DNM2: variants seen among roughly 807,000 people sequenced by gnomAD.
DNM2 encodes the protein dynamin 2, also known as dynamin-2.
DNM2 carries 15 observed loss-of-function variants against 99.0 expected under a neutral mutation model. The ratio of observed to expected loss-of-function variants is 0.15; its 90% CI spans 0.10 to 0.23. DNM2 has a LOEUF of 0.23. Among genes scored for constraint, DNM2 ranks in the 10% least tolerant of loss-of-function variants. DNM2 has a pLI of 1.00. For missense variants in DNM2, 742 were observed against 1,189.4 expected, an observed-to-expected ratio of 0.62 and a Z score of 5.53; for synonymous variants, 525 against 481.2, an observed-to-expected ratio of 1.09 and a Z score of -1.19.
intron 12 of DNM2, among the ~76,000 whole-genome samples, chr19:10,804,007 A>G (rs1243686302): frequency 6.6e-6 from 1 of 152,154 alleles, no homozygotes; most frequent in African/African-American, 2.4e-5. Flanking sequence ...AGGTGATGCC[A>G]GGGGGACCCA....
chr19:10,786,718 G>A lies in DNM2; in HGVS notation c.992+12G>A, dbSNP rs374572993. The A allele has an allele frequency of 3.6e-5, 58 of 1,613,668 alleles. No homozygotes were observed. The highest frequency in any genetic ancestry group is 3.4e-4 in the South Asian group (31 of 91,070). Reference sequence around the variant, plus strand: ...AAAGCCCTGCTGCAGTATGTACCCCGGCACCCACCACCACCACCACCCTGG... The same window carrying A: ...AAAGCCCTGCTGCAGTATGTACCCCAGCACCCACCACCACCACCACCCTGG... On this transcript the variant is annotated intron_variant, in intron 7 of 20. Transcript: ENST00000389253.
At chr19:10,727,802 G>T (rs577526749) in intron 1 of DNM2, among the ~76,000 whole-genome samples, 3 of 152,184 alleles carry the variant, frequency 2.0e-5, no homozygotes, top group East Asian at 3.9e-4. Context: ...TGCCCGATTT[G>T]AATGAAAGTG....
chr19:10,805,873 C>A (rs2287028), intron 12 of DNM2, 43 bp from the exon 13 acceptor site: 1 of 1,613,686 alleles, frequency 6.2e-7, no homozygotes, highest in East Asian at 2.2e-5. Context: ...TCTTCCCCCC[C>A]GGCATCTTGT....
chr19:10,800,185 CCT>C (rs2072087169), intron 11 of DNM2, among the ~76,000 whole-genome samples: 1 of 152,184 alleles, frequency 6.6e-6, no homozygotes, highest in East Asian at 1.9e-4. Context: ...TCTCAGTTGT[CCT>C]CTGTGTTCTT....
intron 5 of DNM2, among the ~76,000 whole-genome samples, chr19:10,779,585 G>A (rs1404300753): frequency 7.8e-6 from 1 of 128,058 alleles, no homozygotes; most frequent in Non-Finnish European, 1.6e-5. Flanking sequence ...ATAGCTCACT[G>A]TAGCCTTAAA....
intron 2 of DNM2, among the ~76,000 whole-genome samples, chr19:10,770,464 T>A (rs570220664): frequency 2.6e-5 from 4 of 152,286 alleles, no homozygotes; most frequent in African/African-American, 4.8e-5. Context: ...TGGAATGCAG[T>A]GGTGTGATCA....
Position 10,812,761 on chromosome 19 carries a change from T to C in DNM2, c.1671+384T>C, listed in dbSNP as rs1258713577. ...GAGATTGCGCCACTGCACTCCAGCC[T>C]GGGCGAGAGAGCGAGACTCCATCTC... On this transcript the variant is annotated intron_variant, in intron 15 of 20. Coordinates refer to ENST00000389253, the MANE Select transcript of DNM2 (RefSeq NM_001005361.3). The surrounding 1 kb of genome is among the most constrained non-coding windows in gnomAD (Gnocchi z 4.0). 6.6e-6 allele frequency among the ~76,000 whole-genome samples: 1 copy of C among 152,130 alleles called. No homozygotes were observed. Among genetic ancestry groups the C allele is most frequent in the East Asian group, 1.9e-4 (1 of 5,192 alleles).
chr19:10,830,973 T>G lies in DNM2; in HGVS notation c.2544-5T>G. Reference sequence around the variant, plus strand: ...CCTCCCCACCTGTCTTTATTCTCTTTGCAGCAGAAGACCCCCTGCTGCGCC... The same window carrying G: ...CCTCCCCACCTGTCTTTATTCTCTTGGCAGCAGAAGACCCCCTGCTGCGCC... On this transcript the variant is annotated splice_polypyrimidine_tract_variant and splice_region_variant and intron_variant, in intron 20 of 20. Coordinates refer to ENST00000389253, the MANE Select transcript of DNM2 (RefSeq NM_001005361.3). The surrounding 1 kb of genome is among the most constrained non-coding windows in gnomAD (Gnocchi z 4.8). 2 of 1,611,180 alleles carry G rather than the reference T, an allele frequency of 1.2e-6. No individual in the cohort carries two copies. Among genetic ancestry groups the G allele is most frequent in the Non-Finnish European group, 1.7e-6 (2 of 1,178,818 alleles).
At chr19:10,823,726 G>T in intron 16 of DNM2, 62 bp from the exon 17 acceptor site, 1 of 1,536,428 alleles carries the variant, frequency 6.5e-7, no homozygotes, top group South Asian at 1.1e-5. Flanking sequence ...CATTCCTCTC[G>T]GCAGTCTGCC....
intron 13 of DNM2, among the ~76,000 whole-genome samples, chr19:10,807,454 C>G (rs1280182699): frequency 6.6e-6 from 1 of 150,598 alleles, no homozygotes; most frequent in Non-Finnish European, 1.5e-5. Flanking sequence ...CTTGGCCAGG[C>G]TGGTCTCAAA....
Position 10,793,789 on chromosome 19 carries a change from G to A in DNM2, c.1062G>A (p.Leu354=), listed in dbSNP as rs1294460166. ...IEGSGDQVDT[L]ELSGGARINR... is the part of the protein sequence containing the mutation. ...GCTCAGGAGATCAGGTGGACACTCT[G>A]GAGCTCTCCGGGGGCGCCCGAATCA... is the stretch of plus-strand genomic sequence containing the variant. Residue 354 remains leucine, a synonymous_variant, in exon 8 of 21, where the codon CTG becomes CTA. Transcript: ENST00000389253. The A allele has an allele frequency of 1.8e-5, 29 of 1,614,084 alleles. No individual in the cohort carries two copies. Among genetic ancestry groups the A allele is most frequent in the Non-Finnish European group, 2.5e-5 (29 of 1,180,034 alleles).
At chr19:10,787,983 A>G (rs771733640) in intron 7 of DNM2, among the ~76,000 whole-genome samples, 3 of 151,814 alleles carry the variant, frequency 2.0e-5, no homozygotes, top group East Asian at 1.9e-4. Flanking sequence ...TGTAATCCCA[A>G]CATTTTGGGA....
rs760309027 is a variant in DNM2 at position 10,786,683 on chromosome 19, C to T, written c.969C>T (p.Thr323=). The T allele has an allele frequency of 3.7e-6, 6 of 1,614,036 alleles. No individual in the cohort carries two copies. The highest frequency in any genetic ancestry group is 3.4e-6 in the Non-Finnish European group (4 of 1,180,038). The change falls in exon 7 of 21, where the codon ACC becomes ACT. Residue 323 remains threonine, a synonymous_variant. Coordinates refer to ENST00000389253, the MANE Select transcript of DNM2 (RefSeq NM_001005361.3). ...EYKNFRPDDP[T]RKTKALLQMV... is the part of the protein sequence containing the mutation. ...AGAACTTTCGGCCCGACGACCCCAC[C>T]CGCAAAACCAAAGCCCTGCTGCAGT... is the stretch of plus-strand genomic sequence containing the variant.
rs1484089222 is a variant in DNM2 at position 10,831,462 on chromosome 19, A to T, written c.*415A>T. The T allele has an allele frequency of 1.0e-6, 1 of 998,560 alleles. No homozygotes were observed. The allele number at this position is 998,560 out of a possible 1,614,324, so 61.9% of individuals were successfully genotyped here. On this transcript the variant is annotated 3_prime_UTR_variant, in exon 21 of 21. Transcript: ENST00000389253. The surrounding 1 kb of genome is among the most constrained non-coding windows in gnomAD (Gnocchi z 4.3). ...ACATCCCCAGGCCTTGCTGGGGTGC[A>T]GGGGTATATCAACTTCCCATTAGCA...
chr19:10,743,309 C>G (rs2069827778), intron 1 of DNM2, among the ~76,000 whole-genome samples: 1 of 152,080 alleles, frequency 6.6e-6, no homozygotes, highest in Non-Finnish European at 1.5e-5. Flanking sequence ...GACGAGATCC[C>G]TGTCCTGTGG....
chr19:10,813,825 CAAA>C (rs371141451), intron 15 of DNM2, among the ~76,000 whole-genome samples: 5 of 115,018 alleles, frequency 4.3e-5, no homozygotes, highest in Non-Finnish European at 5.2e-5. Context: ...GACACTGTCT[CAAA>C]AAAAAAAAAA....
At chr19:10,785,532 G>A (rs2145973364) in intron 6 of DNM2, among the ~76,000 whole-genome samples, 1 of 152,240 alleles carries the variant, frequency 6.6e-6, no homozygotes, top group East Asian at 1.9e-4. Context: ...CTGTACTCAA[G>A]CGATCCTTTT....
chr19:10,766,612 G>A (rs564181973), intron 2 of DNM2, among the ~76,000 whole-genome samples: 2 of 152,030 alleles, frequency 1.3e-5, no homozygotes, highest in South Asian at 4.2e-4. Context: ...CTGTATACGA[G>A]ATGCTAGGGG....
chr19:10,830,446 C>A lies in DNM2; in HGVS notation c.2543+68C>A. 6.5e-7 allele frequency: 1 copy of A among 1,530,838 alleles called. No homozygotes were observed. Among genetic ancestry groups the A allele is most frequent in the Non-Finnish European group, 8.9e-7 (1 of 1,122,686 alleles). 94.8% of individuals were successfully genotyped at this position (1,530,838 alleles called of 1,614,324 possible). A position where few individuals can be genotyped will look rare whatever the true frequency, so the allele number is the denominator to read the frequency against. On this transcript the variant is annotated intron_variant, in intron 20 of 20. Transcript: ENST00000389253. The surrounding 1 kb of genome is among the most constrained non-coding windows in gnomAD (Gnocchi z 4.8). ...TGGGGTCTCTCCTCCTGTCTCACTT[C>A]CTCCCAGTGAGCTCTCACTACGTGC...
Sources: allele counts gnomAD v4.1 joint callset (sites outside exome capture counted in the v4.1 genomes callset), GRCh38; gene constraint gnomAD v4.1.1; non-coding constraint Gnocchi (gnomAD v3.1); transcripts MANE v1.5; gene names NCBI Gene and HGNC (gene_info 2026-07-23, HGNC 2026-07-21).